The following PRDM16 variants were observed in gnomAD, a reference collection of about 807,000 sequenced individuals.
The protein encoded by PRDM16 is PR/SET domain 16.
In PRDM16, 23 loss-of-function variants were observed where a neutral mutation model predicts 110.6. That is an observed-to-expected ratio of 0.21 (90% CI 0.15 to 0.29). The LOEUF (loss-of-function observed/expected upper bound fraction) is 0.29. Ranked by LOEUF, PRDM16 falls within the 10% of genes least tolerant of loss-of-function variation. PRDM16 has a pLI of 1.00. For missense variants in PRDM16, 1,615 were observed against 1,794.3 expected (o/e 0.90, Z 1.81); for synonymous variants, 799 against 781.8 (o/e 1.02, Z -0.37).
chr1:3,316,649 CACAGTGACACAGGGTAGACAGGAA>C (rs1230143413), intron 3 of PRDM16, among the ~76,000 whole-genome samples: 4 of 145,218 alleles, frequency 2.8e-5, no homozygotes, highest in South Asian at 2.2e-4. Flanking sequence ...AAAACAGTGA[CACAGTGACACAGGGTAGACAGGAA>C]ACAGTGACAC....
At chr1:3,098,635 C>A (rs954210670) in intron 1 of PRDM16, among the ~76,000 whole-genome samples, 67 of 152,340 alleles carry the variant, frequency 4.4e-4, no homozygotes, top group African/African-American at 1.6e-3. Flanking sequence ...CTGCACTGGA[C>A]CCCCGCCTTC....
chr1:3,429,879 G>C (rs138993965), intron 14 of PRDM16, among the ~76,000 whole-genome samples: 2 of 152,194 alleles, frequency 1.3e-5, no homozygotes, highest in African/African-American at 4.8e-5. Context: ...GTCGGTCGCC[G>C]TGAGACGCTG....
intron 3 of PRDM16, among the ~76,000 whole-genome samples, chr1:3,365,162 G>GC (rs1285804242): frequency 1.3e-5 from 2 of 152,118 alleles, no homozygotes; most frequent in East Asian, 3.9e-4. Context: ...GGGTCGCATG[G>GC]CCCCCCGCCT....
intron 1 of PRDM16, among the ~76,000 whole-genome samples, chr1:3,082,219 C>A (rs1642046282): frequency 6.6e-6 from 1 of 152,206 alleles, no homozygotes; most frequent in Non-Finnish European, 1.5e-5. Flanking sequence ...AGGCCCTCTG[C>A]AGTCAGGTCC....
chr1:3,346,450 C>T (rs1212480464), intron 3 of PRDM16, among the ~76,000 whole-genome samples: 1 of 152,170 alleles, frequency 6.6e-6, no homozygotes, highest in Non-Finnish European at 1.5e-5. Context: ...TCTGGAGACA[C>T]TGCTGTCCCA....
chr1:3,375,665 C>T (rs1489006576), intron 3 of PRDM16, among the ~76,000 whole-genome samples: 1 of 152,342 alleles, frequency 6.6e-6, no homozygotes, highest in African/African-American at 2.4e-5. Flanking sequence ...CCTCAAGGCC[C>T]GGGCTTGTGT....
intron 3 of PRDM16, among the ~76,000 whole-genome samples, chr1:3,354,459 C>CA (rs59791059): frequency 0.45 from 51,170 of 113,028 alleles, 11,169 homozygotes; most frequent in Middle Eastern, 0.53. Flanking sequence ...GACTCTGCCT[C>CA]AAAAAAAAAA....
At chr1:3,409,908 G>A (rs1280685280) in intron 8 of PRDM16, among the ~76,000 whole-genome samples, 1 of 125,976 alleles carries the variant, frequency 7.9e-6, no homozygotes, top group Non-Finnish European at 1.7e-5. Context: ...GTGTGGTTGT[G>A]GGTGTGGTGT....
intron 2 of PRDM16, among the ~76,000 whole-genome samples, chr1:3,221,442 G>A (rs1639148533): frequency 6.6e-6 from 1 of 152,254 alleles, no homozygotes; most frequent in South Asian, 2.1e-4. Flanking sequence ...ACAAATGACA[G>A]GCGCTTGCAG....
intron 3 of PRDM16, among the ~76,000 whole-genome samples, chr1:3,311,175 G>A (rs528217893): frequency 3.9e-5 from 6 of 152,332 alleles, no homozygotes; most frequent in East Asian, 1.9e-4. Flanking sequence ...GTCCTGAGAC[G>A]GAGCCGTCGC....
rs2100508416 is a variant in PRDM16, at chr1:3,339,079, TG to T, written c.439-46069del. 6.6e-6 allele frequency among the ~76,000 whole-genome samples: 1 copy of T among 152,218 alleles called. No homozygotes were observed. The highest frequency in any genetic ancestry group is 2.1e-4 in the South Asian group (1 of 4,828). The stretch of plus-strand genomic sequence containing the variant: ...AGAGTTGCAGCTTCAAGGCGATCGA[TG>T]GGGAGCTTCCGTGCACTCCCCTCTC... On this transcript the variant is annotated intron_variant, in intron 3 of 16. Transcript: ENST00000270722. The surrounding 1 kb of genome is among the most constrained non-coding windows in gnomAD (Gnocchi z 5.0).
intron 3 of PRDM16, among the ~76,000 whole-genome samples, chr1:3,367,612 G>C (rs1022060273): frequency 1.3e-5 from 2 of 152,180 alleles, no homozygotes; most frequent in Non-Finnish European, 2.9e-5. Context: ...CCAAAAACAC[G>C]TGCGGTCCTG....
intron 1 of PRDM16, among the ~76,000 whole-genome samples, chr1:3,181,023 G>A (rs1644152541): frequency 5.3e-5 from 7 of 132,262 alleles, no homozygotes; most frequent in African/African-American, 1.4e-4. Flanking sequence ...TACAAATGCG[G>A]TCTTACACGC....
intron 1 of PRDM16, among the ~76,000 whole-genome samples, chr1:3,107,132 A>C (rs1642677084): frequency 6.6e-6 from 1 of 152,224 alleles, no homozygotes; most frequent in Non-Finnish European, 1.5e-5. Context: ...CCATGGCCTC[A>C]GGGAAGGAAG....
chr1:3,366,179 C>T (rs1368824109), intron 3 of PRDM16, among the ~76,000 whole-genome samples: 1 of 152,258 alleles, frequency 6.6e-6, no homozygotes, highest in African/African-American at 2.4e-5. Context: ...ACACAGGCTT[C>T]GCACAGCTTG....
At chr1:3,360,073 C>T (rs1205396556) in intron 3 of PRDM16, among the ~76,000 whole-genome samples, 2 of 143,260 alleles carry the variant, frequency 1.4e-5, no homozygotes, top group Non-Finnish European at 1.5e-5. Flanking sequence ...TCTCTGAAAG[C>T]TCTGGTAAAT....
chr1:3,187,172 G>A (rs999773986), intron 2 of PRDM16, among the ~76,000 whole-genome samples: 12 of 152,204 alleles, frequency 7.9e-5, no homozygotes, highest in Admixed American at 7.8e-4. Context: ...CTAGGCCCCG[G>A]TGTTGGGGTC....
rs911797001 is a variant in PRDM16, at chr1:3,273,443, TGTGTGTGG to T, written c.438+29310_438+29317del. ...ACATATGAGGGTGCGTGCACATGTG[TGTGTGTGG>T]GTGGGTGGGTGTGAGTGAATGTGTG... is the stretch of plus-strand genomic sequence containing the variant. On this transcript the variant is annotated intron_variant, in intron 3 of 16. Coordinates refer to ENST00000270722, the MANE Select transcript of PRDM16 (RefSeq NM_022114.4). 4.5e-5 allele frequency among the ~76,000 whole-genome samples: 4 copies of T among 88,344 alleles called. No individual in the cohort carries two copies. The African/African-American group carries it at 4.6e-4, about 10-fold the overall frequency. 58.0% of individuals were successfully genotyped at this position (88,344 alleles called of 152,430 possible).
chr1:3,370,042 G>A lies in PRDM16; in HGVS notation c.439-15110G>A, dbSNP rs1335052838. Among the ~76,000 whole-genome samples the A allele has an allele frequency of 2.0e-5, 3 of 152,184 alleles. No individual in the cohort carries two copies. The highest frequency in any genetic ancestry group is 4.4e-5 in the Non-Finnish European group (3 of 68,038). ...AGAAGGATGGGCTCGGAGAGACTGA[G>A]TCAGCTGCAGGGAAGGCACTAAATA... On this transcript the variant is annotated intron_variant, in intron 3 of 16. Coordinates refer to ENST00000270722, the MANE Select transcript of PRDM16 (RefSeq NM_022114.4). This position sits in a 1 kb window ranked among gnomAD's most constrained non-coding sequence, Gnocchi z 4.8.
Sources: gnomAD v4.1 joint callset for allele counts (sites outside exome capture counted in the v4.1 genomes callset) on GRCh38, gnomAD v4.1.1 for gene constraint, Gnocchi (gnomAD v3.1) non-coding constraint, MANE v1.5 for transcripts, NCBI Gene and HGNC (gene_info 2026-07-23, HGNC 2026-07-21) for gene names.